The following HMCN1 variants were observed in gnomAD, a reference collection of about 807,000 sequenced individuals.
HMCN1 encodes the protein hemicentin 1.
A neutral mutation model predicts 625.9 loss-of-function variants in HMCN1; 321 were observed. That is an observed-to-expected ratio of 0.51 (90% CI 0.47 to 0.56). The LOEUF is 0.56. HMCN1 is among the 20% of genes least tolerant of loss of function. The pLI is 0.00. For synonymous variants in HMCN1, 2,425 were observed against 2,417.6 expected (o/e 1.00, Z -0.09); for missense variants, 6,588 against 6,887.3 (o/e 0.96, Z 1.54).
Position 186,187,867 on chromosome 1 carries a change from C to A in HMCN1, c.16415-16C>A. The A allele has an allele frequency of 6.2e-7, 1 of 1,613,522 alleles. No individual in the cohort carries two copies. The highest frequency in any genetic ancestry group is 1.1e-5 in the South Asian group (1 of 91,058). Reference sequence around the variant, plus strand: ...CCCTCACTGCTGATGCTGCATGTTCCCTGTGCTGTCCCTAGATATCGATGA... The same window carrying A: ...CCCTCACTGCTGATGCTGCATGTTCACTGTGCTGTCCCTAGATATCGATGA... On this transcript the variant is annotated splice_polypyrimidine_tract_variant and intron_variant, in intron 105 of 106. Transcript: ENST00000271588.
chr1:185,774,975 G>A (rs1167124874), intron 1 of HMCN1, among the ~76,000 whole-genome samples: 1 of 152,092 alleles, frequency 6.6e-6, no homozygotes, highest in Non-Finnish European at 1.5e-5. Flanking sequence ...ACATCAAAAG[G>A]TCAGTTCTTG....
chr1:185,786,733 TA>T (rs1657595481), intron 1 of HMCN1, among the ~76,000 whole-genome samples: 1 of 152,220 alleles, frequency 6.6e-6, no homozygotes, highest in African/African-American at 2.4e-5. Flanking sequence ...AACTTTTACA[TA>T]AATCAAATAT....
intron 5 of HMCN1, among the ~76,000 whole-genome samples, chr1:185,910,486 C>G (rs1464946643): frequency 6.6e-6 from 1 of 152,020 alleles, no homozygotes; most frequent in Non-Finnish European, 1.5e-5. Flanking sequence ...TATGTTTCTA[C>G]TACTTTAAAA....
chr1:186,145,087 A>G (rs1001720602), intron 91 of HMCN1, among the ~76,000 whole-genome samples: 6 of 152,238 alleles, frequency 3.9e-5, no homozygotes, highest in Admixed American at 3.3e-4. Flanking sequence ...GTTACATTGT[A>G]TCCTGAAGTT....
rs772477548 is a variant in HMCN1 at position 185,933,508 on chromosome 1, G to T, written c.1553-41G>T. On this transcript the variant is annotated intron_variant, in intron 10 of 106. Coordinates refer to ENST00000271588, the MANE Select transcript of HMCN1 (RefSeq NM_031935.3). Reference sequence around the variant, plus strand: ...ACCACATCTGTAAGTGAGCAAAATGGCTTTTAGGTCTCTTGATTTGAATTT... The same window carrying T: ...ACCACATCTGTAAGTGAGCAAAATGTCTTTTAGGTCTCTTGATTTGAATTT... 2.5e-6 allele frequency: 4 copies of T among 1,610,176 alleles called. No individual in the cohort carries two copies. In the African/African-American group the frequency reaches 5.3e-5, roughly 22 times the overall value.
At chr1:185,748,703 C>G (rs1028406475) in intron 1 of HMCN1, among the ~76,000 whole-genome samples, 2 of 152,214 alleles carry the variant, frequency 1.3e-5, no homozygotes, top group African/African-American at 4.8e-5. Context: ...ACTAACTTCT[C>G]AAAGCCTTAG....
chr1:186,039,115 C>T (rs756193717), intron 38 of HMCN1, 110 bp downstream of exon 38: 1 of 809,602 alleles, frequency 1.2e-6, no homozygotes, highest in Non-Finnish European at 2.2e-6. Flanking sequence ...TTATTGTCAT[C>T]TTTATGTAAG....
intron 4 of HMCN1, among the ~76,000 whole-genome samples, chr1:185,884,008 G>A (rs1390908011): frequency 6.8e-6 from 1 of 147,274 alleles, no homozygotes; most frequent in Non-Finnish European, 1.5e-5. Context: ...GACTTTATAT[G>A]ACAGGGAGTG....
chr1:186,163,274 G>T (rs777687719), intron 97 of HMCN1, among the ~76,000 whole-genome samples: 1 of 152,174 alleles, frequency 6.6e-6, no homozygotes, highest in Non-Finnish European at 1.5e-5. Context: ...CACAGTATTC[G>T]GGTGGGAGTG....
intron 104 of HMCN1, among the ~76,000 whole-genome samples, chr1:186,180,420 G>A (rs1451927555): frequency 6.6e-6 from 1 of 151,920 alleles, no homozygotes; most frequent in East Asian, 1.9e-4. Context: ...TTACTTTCCT[G>A]CCCAAAAATC....
At chr1:186,154,556 G>A (rs1650875777) in intron 97 of HMCN1, among the ~76,000 whole-genome samples, 1 of 152,062 alleles carries the variant, frequency 6.6e-6, no homozygotes, top group Non-Finnish European at 1.5e-5. Flanking sequence ...GTGTCCAAAT[G>A]CTTTTTATTC....
chr1:186,045,578 A>G (rs544393487), intron 40 of HMCN1, 110 bp from the exon 41 acceptor site: 3 of 838,138 alleles, frequency 3.6e-6, no homozygotes, highest in South Asian at 1.4e-5. Context: ...TTGTGATCCT[A>G]TATCTTTAAA....
chr1:186,045,698 T>C lies in HMCN1; in HGVS notation c.6315T>C (p.Asn2105=), dbSNP rs373512659. Residue 2105 remains asparagine, a synonymous_variant, in exon 41 of 107, where the codon AAT becomes AAC. Transcript: ENST00000271588. Reference sequence around the variant, plus strand: ...CCATCTTTCATGTAGTTCCGCCAAATATTATGGGAGAAGAACAGAATGTCT... The same window carrying C: ...CCATCTTTCATGTAGTTCCGCCAAACATTATGGGAGAAGAACAGAATGTCT... ...DIDLRVYVPP[N]IMGEEQNVSV... 45 of 1,613,230 alleles carry C rather than the reference T, an allele frequency of 2.8e-5. No individual in the cohort carries two copies. In the African/African-American group the frequency reaches 5.5e-4, roughly 20 times the overall value.
chr1:185,894,124 G>A (rs1255861317), intron 4 of HMCN1, among the ~76,000 whole-genome samples: 3 of 151,428 alleles, frequency 2.0e-5, no homozygotes, highest in Admixed American at 2.0e-4. Context: ...TACAGAGCGA[G>A]ACTCCGTGTC....
At chr1:186,108,686 C>T in intron 71 of HMCN1, 89 bp downstream of exon 71, 1 of 1,405,378 alleles carries the variant, frequency 7.1e-7, no homozygotes, top group Non-Finnish European at 9.9e-7. Context: ...GTACACAAAA[C>T]CAACTAACAT....
Position 186,082,848 on chromosome 1 carries a change from C to A in HMCN1, c.8788-17C>A, listed in dbSNP as rs781027972. On this transcript the variant is annotated splice_polypyrimidine_tract_variant and intron_variant, in intron 56 of 106. Transcript: ENST00000271588. Reference sequence around the variant, plus strand: ...TTATTCAAAATTTTATTTGGAATTTCTTCATTTTTCCCTTAGATTCTGAAT... The same window carrying A: ...TTATTCAAAATTTTATTTGGAATTTATTCATTTTTCCCTTAGATTCTGAAT... 6.7e-7 allele frequency: 1 copy of A among 1,485,414 alleles called. No homozygotes were observed. The highest frequency in any genetic ancestry group is 1.8e-5 in the Admixed American group (1 of 55,682). 92.0% of individuals were successfully genotyped at this position (1,485,414 alleles called of 1,614,324 possible). A position where few individuals can be genotyped will look rare whatever the true frequency, so the allele number is the denominator to read the frequency against.
intron 1 of HMCN1, among the ~76,000 whole-genome samples, chr1:185,838,630 A>G (rs1448335973): frequency 1.3e-5 from 2 of 152,262 alleles, no homozygotes; most frequent in East Asian, 3.9e-4. Flanking sequence ...ATTGAACTTC[A>G]CTTACAAAAC....
At position 185,734,852 on chromosome 1, in the gene HMCN1, A is replaced by G; in HGVS notation, c.73A>G (p.Ser25Gly). 1.2e-6 allele frequency: 2 copies of G among 1,613,960 alleles called. No homozygotes were observed. The highest frequency in any genetic ancestry group is 1.1e-5 in the South Asian group (1 of 91,062). The change falls in exon 1 of 107, where the codon AGC becomes GGC. Residue 25 changes from serine (S) to glycine (G), a missense_variant. Coordinates refer to ENST00000271588, the MANE Select transcript of HMCN1 (RefSeq NM_031935.3). ...LLYSSLAQDA[S>G]PQSEIRAEEI... The stretch of plus-strand genomic sequence containing the variant: ...TTATTCTTCCCTAGCTCAAGATGCG[A>G]GCCCCCAGTCAGAGATCAGAGCTGA...
At chr1:186,117,250 G>A (rs527688431) in intron 76 of HMCN1, 135 bp downstream of exon 76, 77 of 1,242,640 alleles carry the variant, frequency 6.2e-5, no homozygotes, top group South Asian at 4.0e-4. Context: ...ATGCAGGTTC[G>A]TTATATGGGT....
Sources: allele counts gnomAD v4.1 joint callset (sites outside exome capture counted in the v4.1 genomes callset), GRCh38; gene constraint gnomAD v4.1.1; transcripts MANE v1.5; gene names NCBI Gene and HGNC (gene_info 2026-07-23, HGNC 2026-07-21).